EFR3B: variants seen among roughly 807,000 people sequenced by gnomAD.
EFR3B encodes the protein EFR3 homolog B.
Under a neutral mutation model 104.7 loss-of-function variants are expected in EFR3B, and 64 were observed. The observed-to-expected ratio is 0.61, with a 90% CI of 0.50 to 0.75. The LOEUF is 0.75. Ranked by LOEUF, EFR3B falls within the 30% of genes least tolerant of loss-of-function variation. The pLI, the probability that EFR3B is intolerant of heterozygous loss-of-function variation, is 0.00. For synonymous variants in EFR3B, 385 were observed against 417.9 expected, an observed-to-expected ratio of 0.92 and a Z score of 0.96; for missense variants, 750 against 1,078.5, an observed-to-expected ratio of 0.70 and a Z score of 4.27.
At chr2:25,046,725 G>A (rs893326686) in intron 1 of EFR3B, among the ~76,000 whole-genome samples, 1 of 151,608 alleles carries the variant, frequency 6.6e-6, no homozygotes, top group Admixed American at 6.6e-5. Flanking sequence ...GGATGGTCTC[G>A]ATCTCCTGAC....
intron 1 of EFR3B, among the ~76,000 whole-genome samples, chr2:25,048,760 G>A (rs1223157757): frequency 6.6e-6 from 1 of 152,062 alleles, no homozygotes; most frequent in Non-Finnish European, 1.5e-5. Flanking sequence ...AATAATCCTT[G>A]CTCTACAATC....
intron 17 of EFR3B, among the ~76,000 whole-genome samples, chr2:25,143,390 G>A (rs1670727776): frequency 6.6e-6 from 1 of 152,148 alleles, no homozygotes; most frequent in African/African-American, 2.4e-5. Flanking sequence ...CGGGCATGGT[G>A]GCTCACGCCT....
chr2:25,044,936 T>C (rs1329184069), intron 1 of EFR3B, among the ~76,000 whole-genome samples: 1 of 152,166 alleles, frequency 6.6e-6, no homozygotes, highest in Non-Finnish European at 1.5e-5. Flanking sequence ...TGTTCTGAGG[T>C]CATCCCATCT....
Position 25,155,576 on chromosome 2 carries a change from G to A in EFR3B, c.*1236G>A, listed in dbSNP as rs906828085. On this transcript the variant is annotated 3_prime_UTR_variant, in exon 23 of 23. Transcript: ENST00000403714. ...GCCGGGCAGAGCCACCCAGGAGGCA[G>A]TTTGTTGCCTTCTTTGCCAATTCCC... The A allele has an allele frequency of 6.6e-6, 1 of 152,238 alleles. No individual in the cohort carries two copies. Among genetic ancestry groups the A allele is most frequent in the African/African-American group, 2.4e-5 (1 of 41,424 alleles). The allele number at this position is 152,238 out of a possible 1,614,324, so 9.4% of individuals were successfully genotyped here.
rs770950296 is a variant in EFR3B, at chr2:25,132,921, T to C, written c.1166T>C (p.Leu389Pro). Residue 389 changes from leucine to proline, a missense_variant, in exon 11 of 23, where the codon CTG becomes CCG. Transcript: ENST00000403714. ...IKTVGSFAST[L>P]PTYQRSEVIL... Reference sequence around the variant, plus strand: ...CCTGCAGGCTCCTTTGCCAGCACGCTGCCCACCTACCAGCGCTCCGAGGTG... The same window carrying C: ...CCTGCAGGCTCCTTTGCCAGCACGCCGCCCACCTACCAGCGCTCCGAGGTG... 6.4e-7 allele frequency: 1 copy of C among 1,551,078 alleles called. No homozygotes were observed. Among genetic ancestry groups the C allele is most frequent in the Non-Finnish European group, 8.7e-7 (1 of 1,146,918 alleles).
intron 20 of EFR3B, among the ~76,000 whole-genome samples, chr2:25,151,201 G>C (rs749893336): frequency 6.6e-6 from 1 of 152,090 alleles, no homozygotes; most frequent in Non-Finnish European, 1.5e-5. Context: ...TGCCACACGT[G>C]TTTCATGTTG....
Position 25,061,760 on chromosome 2 carries a change from T to A in EFR3B, c.7+19441T>A, listed in dbSNP as rs566334883. On this transcript the variant is annotated intron_variant, in intron 1 of 22. Transcript: ENST00000403714. ...ATCCACCCGCCTTGGCCTCCCAAAG[T>A]GCTGGGATTATAGGCGTGAGCCACC... Among the ~76,000 whole-genome samples the A allele has an allele frequency of 9.1e-4, 138 of 151,932 alleles. 2 individuals are homozygous for A. The highest frequency in any genetic ancestry group is 3.2e-3 in the African/African-American group (131 of 41,470).
rs936384752 is a variant in EFR3B at position 25,130,026 on chromosome 2, G to A, written c.687G>A (p.Ala229=). 112 of 1,551,730 alleles carry A rather than the reference G, an allele frequency of 7.2e-5. No homozygotes were observed. The highest frequency in any genetic ancestry group is 8.3e-5 in the Non-Finnish European group (95 of 1,146,994). Reference sequence around the variant, plus strand: ...CTGAGAAGGAGAAAGAGAGCCCCGCGGAGCTGGCTGAGAGGTGTCTTCGGG... The same window carrying A: ...CTGAGAAGGAGAAAGAGAGCCCCGCAGAGCTGGCTGAGAGGTGTCTTCGGG... ...QAPEKEKESP[A]ELAERCLREL... The change falls in exon 7 of 23, where the codon GCG becomes GCA. Residue 229 remains alanine (A), a synonymous_variant. Coordinates refer to ENST00000403714, the MANE Select transcript of EFR3B (RefSeq NM_014971.2). The surrounding 1 kb of genome is among the most constrained non-coding windows in gnomAD (Gnocchi z 4.6).
intron 1 of EFR3B, among the ~76,000 whole-genome samples, chr2:25,089,839 G>A (rs1374604433): frequency 6.6e-6 from 1 of 152,108 alleles, no homozygotes; most frequent in Non-Finnish European, 1.5e-5. Flanking sequence ...TGGGGCGGGT[G>A]GAAGCTGAGG....
intron 10 of EFR3B, among the ~76,000 whole-genome samples, chr2:25,132,581 C>T (rs992280256): frequency 6.6e-6 from 1 of 152,006 alleles, no homozygotes; most frequent in Middle Eastern, 3.2e-3. Flanking sequence ...AACGAGAACT[C>T]GGGCTCCCCC....
At chr2:25,067,622 A>T (rs1362479607) in intron 1 of EFR3B, among the ~76,000 whole-genome samples, 1 of 151,416 alleles carries the variant, frequency 6.6e-6, no homozygotes, top group East Asian at 1.9e-4. Context: ...TTTAGTAGAG[A>T]CGGGGTTCAC....
intron 6 of EFR3B, among the ~76,000 whole-genome samples, chr2:25,129,325 C>CGGGGGT (rs1175582866): frequency 1.4e-3 from 17 of 12,196 alleles, no homozygotes; most frequent in East Asian, 6.5e-3. Context: ...TCGACGGGGG[C>CGGGGGT]GGGGGCGGGG....
At chr2:25,066,847 C>T (rs1043331918) in intron 1 of EFR3B, among the ~76,000 whole-genome samples, 2 of 152,290 alleles carry the variant, frequency 1.3e-5, no homozygotes, top group East Asian at 3.9e-4. Context: ...CCAGCAAGAA[C>T]AGAGCCGAAC....
chr2:25,058,682 C>G (rs903272560), intron 1 of EFR3B, among the ~76,000 whole-genome samples: 1 of 151,838 alleles, frequency 6.6e-6, no homozygotes, highest in African/African-American at 2.4e-5. Context: ...TTGCTTGAAC[C>G]CTGGAGGGGG....
At chr2:25,121,582 C>A in intron 4 of EFR3B, 91 bp from the exon 5 acceptor site, 1 of 1,493,650 alleles carries the variant, frequency 6.7e-7, no homozygotes, top group South Asian at 1.3e-5. Context: ...GTTCCCATGG[C>A]TTGACCATGG....
chr2:25,069,899 G>A (rs1389388987), intron 1 of EFR3B, among the ~76,000 whole-genome samples: 2 of 152,060 alleles, frequency 1.3e-5, no homozygotes, highest in Non-Finnish European at 2.9e-5. Flanking sequence ...GGGTTTCACC[G>A]TGTTAGCCAG....
At chr2:25,092,611 C>G (rs570993352) in intron 2 of EFR3B, among the ~76,000 whole-genome samples, 1 of 151,408 alleles carries the variant, frequency 6.6e-6, no homozygotes, top group Admixed American at 6.6e-5. Flanking sequence ...TGCAATGGTG[C>G]AATCTTGGCT....
chr2:25,131,931 C>T lies in EFR3B; in HGVS notation c.1147+20C>T, dbSNP rs550099231. The T allele has an allele frequency of 1.5e-3, 996 of 669,414 alleles. 3 individuals are homozygous for T. The highest frequency in any genetic ancestry group is 0.012 in the African/African-American group (463 of 38,268). 41.5% of individuals were successfully genotyped at this position (669,414 alleles called of 1,614,324 possible). ...CCGTGGGTGCGGCGCGGGGCCGGGCCGGGGCGGGGCGGGGCCGAGGCGCGG... is the reference window on the plus strand; with the variant it reads ...CCGTGGGTGCGGCGCGGGGCCGGGCTGGGGCGGGGCGGGGCCGAGGCGCGG... On this transcript the variant is annotated intron_variant, in intron 10 of 22. Transcript: ENST00000403714. The surrounding 1 kb of genome is among the most constrained non-coding windows in gnomAD (Gnocchi z 7.6).
Position 25,087,762 on chromosome 2 carries a change from C to T in EFR3B, c.8-3563C>T, listed in dbSNP as rs76893341. 3.6e-3 allele frequency among the ~76,000 whole-genome samples: 554 copies of T among 152,296 alleles called. 4 individuals carry two copies. The highest frequency in any genetic ancestry group is 0.012 in the African/African-American group (495 of 41,554). Reference sequence around the variant, plus strand: ...TGCCAGGATTACAGGCTTGAGCCACCGTGCCCAGCCAAAGAGCAGGAATTT... The same window carrying T: ...TGCCAGGATTACAGGCTTGAGCCACTGTGCCCAGCCAAAGAGCAGGAATTT... On this transcript the variant is annotated intron_variant, in intron 1 of 22. Coordinates refer to ENST00000403714, the MANE Select transcript of EFR3B (RefSeq NM_014971.2).
Sources: allele counts gnomAD v4.1 joint callset (sites outside exome capture counted in the v4.1 genomes callset), GRCh38; gene constraint gnomAD v4.1.1; non-coding constraint Gnocchi (gnomAD v3.1); transcripts MANE v1.5; gene names NCBI Gene and HGNC (gene_info 2026-07-23, HGNC 2026-07-21).